COMMD1: variants seen among roughly 807,000 people sequenced by gnomAD.
COMMD1 encodes COMM domain-containing protein 1.
Under a neutral mutation model 17.2 loss-of-function variants are expected in COMMD1, and 10 were observed. The observed-to-expected ratio is 0.58, with a 90% CI of 0.36 to 0.99. The LOEUF is 0.99. Ranked by LOEUF, COMMD1 falls within the 50% of genes least tolerant of loss-of-function variation. The pLI is 0.01. For synonymous variants in COMMD1, 97 were observed against 91.6 expected (o/e 1.06, Z -0.34); for missense variants, 270 against 231.8 (o/e 1.17, Z -1.07).
At chr2:62,063,478 C>T (rs1224159303) in intron 2 of COMMD1, among the ~76,000 whole-genome samples, 1 of 152,172 alleles carries the variant, frequency 6.6e-6, no homozygotes, top group South Asian at 2.1e-4. Context: ...GCGTGAGCCA[C>T]CGCACCTGGC....
At chr2:62,046,904 C>T (rs544854597) in intron 2 of COMMD1, among the ~76,000 whole-genome samples, 1 of 152,328 alleles carries the variant, frequency 6.6e-6, no homozygotes, top group Admixed American at 6.5e-5. Flanking sequence ...TGGTTTCTCT[C>T]CGGTATCTTT....
intron 1 of COMMD1, among the ~76,000 whole-genome samples, chr2:61,907,357 G>A (rs1165952364): frequency 1.3e-5 from 2 of 152,138 alleles, no homozygotes; most frequent in African/African-American, 4.8e-5. Flanking sequence ...CGCCTGCCTC[G>A]GCCTCCCGGA....
At chr2:61,970,395 A>G (rs137876273) in intron 1 of COMMD1, among the ~76,000 whole-genome samples, 209 of 152,254 alleles carry the variant, frequency 1.4e-3, no homozygotes, top group African/African-American at 4.9e-3. Context: ...GATCTCGAAA[A>G]TCCTCAGATG....
chr2:61,910,449 G>T (rs1040990137), intron 1 of COMMD1, among the ~76,000 whole-genome samples: 6 of 152,002 alleles, frequency 3.9e-5, no homozygotes, highest in Non-Finnish European at 4.4e-5. Flanking sequence ...GTTTCACCAC[G>T]TTGGCCAAGC....
chr2:61,944,753 A>G (rs185635606), intron 1 of COMMD1, among the ~76,000 whole-genome samples: 2 of 152,306 alleles, frequency 1.3e-5, no homozygotes, highest in Non-Finnish European at 2.9e-5. Context: ...CTCCATAAAG[A>G]AAACAGGACA....
intron 1 of COMMD1, among the ~76,000 whole-genome samples, chr2:61,950,124 G>A (rs1671014244): frequency 6.6e-6 from 1 of 152,182 alleles, no homozygotes; most frequent in Non-Finnish European, 1.5e-5. Context: ...ATCCCTTTTA[G>A]AAAAGGAAAG....
intron 2 of COMMD1, among the ~76,000 whole-genome samples, chr2:62,077,996 C>G (rs1671393304): frequency 6.6e-6 from 1 of 152,062 alleles, no homozygotes; most frequent in Admixed American, 6.6e-5. Flanking sequence ...AATTGTGGGA[C>G]TGGGCATAGT....
intron 2 of COMMD1, among the ~76,000 whole-genome samples, chr2:62,106,709 G>A (rs1034359536): frequency 1.3e-5 from 2 of 152,184 alleles, no homozygotes; most frequent in African/African-American, 2.4e-5. Flanking sequence ...CCAAAACAGA[G>A]GTCGCATAGA....
chr2:61,896,409 G>A (rs1356097628), intron 1 of COMMD1, among the ~76,000 whole-genome samples: 1 of 151,848 alleles, frequency 6.6e-6, no homozygotes, highest in African/African-American at 2.4e-5. Flanking sequence ...AACATAGTGA[G>A]ATCCTGTCTC....
At chr2:61,941,091 G>T (rs1186684345) in intron 1 of COMMD1, among the ~76,000 whole-genome samples, 1 of 149,628 alleles carries the variant, frequency 6.7e-6, no homozygotes, top group Non-Finnish European at 1.5e-5. Flanking sequence ...GCGGTGGCGC[G>T]ATCTTGGCTC....
chr2:62,064,316 G>T (rs542682084), intron 2 of COMMD1, among the ~76,000 whole-genome samples: 37 of 152,182 alleles, frequency 2.4e-4, no homozygotes, highest in African/African-American at 8.2e-4. Context: ...AGGGATTACA[G>T]GTATGTGCCA....
chr2:62,108,089 C>T (rs916097891), intron 2 of COMMD1, among the ~76,000 whole-genome samples: 2 of 152,112 alleles, frequency 1.3e-5, no homozygotes, highest in African/African-American at 4.8e-5. Flanking sequence ...GTCTTCTCTC[C>T]CATCTCTAGC....
intron 1 of COMMD1, among the ~76,000 whole-genome samples, chr2:61,981,919 G>T (rs148733252): frequency 6.6e-6 from 1 of 152,292 alleles, no homozygotes; most frequent in East Asian, 1.9e-4. Context: ...GTCAGGTAAT[G>T]TGATTCCACC....
At chr2:61,988,005 T>A (rs143245884) in intron 1 of COMMD1, among the ~76,000 whole-genome samples, 1 of 152,152 alleles carries the variant, frequency 6.6e-6, no homozygotes, top group African/African-American at 2.4e-5. Context: ...TCCTAAGGGC[T>A]TTTCAGTCAG....
chr2:61,916,890 A>T (rs755033763), intron 1 of COMMD1, among the ~76,000 whole-genome samples: 1 of 152,200 alleles, frequency 6.6e-6, no homozygotes, highest in Non-Finnish European at 1.5e-5. Context: ...GGTATGATGT[A>T]AATTGTGAAG....
At chr2:62,006,207 A>AG (rs1264736433) in intron 2 of COMMD1, among the ~76,000 whole-genome samples, 1 of 41,268 alleles carries the variant, frequency 2.4e-5, no homozygotes, top group Non-Finnish European at 4.3e-5. Context: ...GGGTGGGGGG[A>AG]GGGGGGGAGG....
intron 2 of COMMD1, among the ~76,000 whole-genome samples, chr2:62,052,485 C>T (rs980245183): frequency 3.9e-5 from 6 of 152,182 alleles, no homozygotes; most frequent in African/African-American, 7.2e-5. Context: ...GATCCTTGTC[C>T]TTGTAGCCCA....
Position 62,043,275 on chromosome 2 carries a change from G to A in COMMD1, c.462+42293G>A, listed in dbSNP as rs13400979. The stretch of plus-strand genomic sequence containing the variant: ...TAACTAATGGCTAGGGAGTCTAGGG[G>A]TGTCTCTTTAAAATATCAGACTTGA... On this transcript the variant is annotated intron_variant, in intron 2 of 2. Transcript: ENST00000311832. Among the ~76,000 whole-genome samples, 1,134 of 152,326 alleles carry A rather than the reference G, an allele frequency of 7.4e-3. 15 individuals are homozygous for A. Among genetic ancestry groups the A allele is most frequent in the African/African-American group, 0.025 (1,048 of 41,566 alleles).
intron 2 of COMMD1, among the ~76,000 whole-genome samples, chr2:62,035,864 C>T (rs1270561563): frequency 6.6e-6 from 1 of 151,224 alleles, no homozygotes; most frequent in Non-Finnish European, 1.5e-5. Context: ...CCAGCCTGGG[C>T]AACATGCTAA....
Sources: gnomAD v4.1 joint callset for allele counts (sites outside exome capture counted in the v4.1 genomes callset) on GRCh38, gnomAD v4.1.1 for gene constraint, MANE v1.5 for transcripts, NCBI Gene and HGNC (gene_info 2026-07-23, HGNC 2026-07-21) for gene names.